The following CEP128 variants were observed in gnomAD, a reference collection of about 807,000 sequenced individuals.
The protein encoded by CEP128 is centrosomal protein 128.
CEP128 carries 132 observed loss-of-function variants against 156.7 expected under a neutral mutation model. The ratio of observed to expected loss-of-function variants is 0.84; its 90% CI spans 0.73 to 0.97. The LOEUF is 0.97. CEP128 is among the 50% of genes least tolerant of loss of function. CEP128 has a pLI of 0.00. For synonymous variants in CEP128, 469 were observed against 448.9 expected (o/e 1.04, Z -0.57); for missense variants, 1,252 against 1,281.9 (o/e 0.98, Z 0.36).
chr14:80,886,926 T>A (rs1888835210), intron 8 of CEP128, among the ~76,000 whole-genome samples: 2 of 151,996 alleles, frequency 1.3e-5, no homozygotes, highest in South Asian at 4.2e-4. Flanking sequence ...AATAAAGGGA[T>A]GAAGGAATAT....
At chr14:80,752,135 G>A (rs915333838) in intron 18 of CEP128, among the ~76,000 whole-genome samples, 2 of 152,070 alleles carry the variant, frequency 1.3e-5, no homozygotes, top group Admixed American at 1.3e-4. Flanking sequence ...TAAATAAAAA[G>A]ATTATAGCTT....
chr14:80,733,403 T>C (rs1224797377), intron 19 of CEP128, among the ~76,000 whole-genome samples: 1 of 150,438 alleles, frequency 6.6e-6, no homozygotes, highest in Non-Finnish European at 1.5e-5. Flanking sequence ...TCTGTGAACA[T>C]ACATAGAAAC....
chr14:80,536,908 G>T (rs969471927), intron 21 of CEP128, among the ~76,000 whole-genome samples: 1 of 150,546 alleles, frequency 6.6e-6, no homozygotes, highest in Non-Finnish European at 1.5e-5. Flanking sequence ...TGTGTATTGG[G>T]GTAAGAGGGT....
Position 80,704,454 on chromosome 14 carries a change from T to A in CEP128, c.2806+38621A>T, listed in dbSNP as rs1283706275. Among the ~76,000 whole-genome samples, 7 of 149,016 alleles carry A rather than the reference T, an allele frequency of 4.7e-5. No homozygotes were observed. The Admixed American group carries it at 4.8e-4, about 10-fold the overall frequency. ...GGAAGACGTATACACATTTTCATAT[T>A]TTCTATATATAAACATATGTGTGTA... On this transcript the variant is annotated intron_variant, in intron 19 of 24. Coordinates refer to ENST00000555265, the MANE Select transcript of CEP128 (RefSeq NM_152446.5).
At chr14:80,815,637 T>C (rs1884807939) in intron 13 of CEP128, among the ~76,000 whole-genome samples, 1 of 152,238 alleles carries the variant, frequency 6.6e-6, no homozygotes, top group South Asian at 2.1e-4. Context: ...TGCAGCACTA[T>C]TCACAATGGC....
intron 8 of CEP128, among the ~76,000 whole-genome samples, chr14:80,870,348 C>T (rs1887966700): frequency 6.6e-6 from 1 of 152,074 alleles, no homozygotes; most frequent in South Asian, 2.1e-4. Context: ...CTGCAAAATA[C>T]TAGCAAACCA....
chr14:80,656,746 T>C (rs1362025787), intron 19 of CEP128, among the ~76,000 whole-genome samples: 2 of 152,126 alleles, frequency 1.3e-5, no homozygotes, highest in East Asian at 3.9e-4. Flanking sequence ...TCAATATTTT[T>C]GATTAGTTAC....
At chr14:80,927,129 G>T (rs569145539) in intron 2 of CEP128, among the ~76,000 whole-genome samples, 1 of 152,204 alleles carries the variant, frequency 6.6e-6, no homozygotes, top group Non-Finnish European at 1.5e-5. Context: ...TGGTCTGGCC[G>T]TCAGAAACTG....
rs148301897 is a variant in CEP128 at position 80,852,019 on chromosome 14, T to C, written c.762+10738A>G. Among the ~76,000 whole-genome samples the C allele has an allele frequency of 7.9e-3, 1,205 of 152,108 alleles. 13 individuals carry two copies. The highest frequency in any genetic ancestry group is 0.017 in the Middle Eastern group (5 of 294). On this transcript the variant is annotated intron_variant, in intron 9 of 24. Transcript: ENST00000555265. Reference sequence around the variant, plus strand: ...ATAATAATGAGAAGCTTTAGATATATGTACTAAGAAAACAGAAGAACAGAA... The same window carrying C: ...ATAATAATGAGAAGCTTTAGATATACGTACTAAGAAAACAGAAGAACAGAA...
chr14:80,957,437 C>A (rs564870104), intron 2 of CEP128, among the ~76,000 whole-genome samples: 40 of 151,400 alleles, frequency 2.6e-4, no homozygotes, highest in Non-Finnish European at 5.0e-4. Context: ...TTCCTGAAAC[C>A]CTGGAACTAC....
At chr14:80,522,505 T>C (rs953979363) in intron 23 of CEP128, among the ~76,000 whole-genome samples, 4 of 152,224 alleles carry the variant, frequency 2.6e-5, no homozygotes, top group African/African-American at 9.6e-5. Context: ...AGAAACTGTA[T>C]ACTAACTCTT....
chr14:80,580,410 C>A lies in CEP128; in HGVS notation c.2820G>T (p.Glu940Asp), dbSNP rs775182652. 22 of 1,597,742 alleles carry A rather than the reference C, an allele frequency of 1.4e-5. No individual in the cohort carries two copies. The South Asian group carries it at 2.3e-4, about 17-fold the overall frequency. The change falls in exon 20 of 25, where the codon GAG becomes GAT. Residue 940 changes from glutamate (E) to aspartate (D), a missense_variant. Glu to Asp is a conservative substitution (Grantham distance 45, BLOSUM62 2). Coordinates refer to ENST00000555265, the MANE Select transcript of CEP128 (RefSeq NM_152446.5). Reference protein sequence around the residue: ...IHREKRDLLEETQRKDEEMGS... With the variant: ...IHREKRDLLEDTQRKDEEMGS... The stretch of plus-strand genomic sequence containing the variant: ...CCATTTCTTCATCTTTTCTTTGGGT[C>A]TCTTCCAGTAGATCTGTAATAAGAA...
intron 21 of CEP128, among the ~76,000 whole-genome samples, chr14:80,550,351 TTTAAG>T (rs1485231413): frequency 6.6e-6 from 1 of 152,132 alleles, no homozygotes; most frequent in Admixed American, 6.5e-5. Context: ...TCACACAGAT[TTTAAG>T]TTATCTAAAT....
At chr14:80,931,077 G>T (rs1249517679) in intron 2 of CEP128, among the ~76,000 whole-genome samples, 1 of 152,200 alleles carries the variant, frequency 6.6e-6, no homozygotes, top group Non-Finnish European at 1.5e-5. Flanking sequence ...TGACGATAAG[G>T]CAAGAATGCT....
chr14:80,918,933 T>C (rs1331263716), intron 2 of CEP128, among the ~76,000 whole-genome samples: 1 of 152,194 alleles, frequency 6.6e-6, no homozygotes, highest in Non-Finnish European at 1.5e-5. Context: ...TTATCTCTTA[T>C]ATAAGAGAAA....
At chr14:80,933,415 T>C (rs1885596219) in intron 2 of CEP128, among the ~76,000 whole-genome samples, 1 of 152,218 alleles carries the variant, frequency 6.6e-6, no homozygotes, top group Non-Finnish European at 1.5e-5. Context: ...GGGGATTCTT[T>C]AGAGTCATCT....
downstream of CEP128, among the ~76,000 whole-genome samples, chr14:80,493,879 G>A (rs1177644162): frequency 6.6e-6 from 1 of 152,186 alleles, no homozygotes; most frequent in Non-Finnish European, 1.5e-5. Flanking sequence ...ACTAGAAGGT[G>A]CGGCTGGTTT....
chr14:80,553,892 T>G (rs775539261), intron 21 of CEP128, among the ~76,000 whole-genome samples: 46 of 152,256 alleles, frequency 3.0e-4, no homozygotes, highest in Non-Finnish European at 6.0e-4. Flanking sequence ...TAGGCCCTTC[T>G]GCACAGTGTC....
intron 19 of CEP128, among the ~76,000 whole-genome samples, chr14:80,710,433 C>T (rs1177605257): frequency 6.6e-6 from 1 of 152,058 alleles, no homozygotes; most frequent in South Asian, 2.1e-4. Context: ...ACACGTCTCA[C>T]CACCTATGAA....
Sources: gnomAD v4.1 joint callset for allele counts (sites outside exome capture counted in the v4.1 genomes callset) on GRCh38, gnomAD v4.1.1 for gene constraint, MANE v1.5 for transcripts, NCBI Gene and HGNC (gene_info 2026-07-23, HGNC 2026-07-21) for gene names.